PI4K2A: variants seen among roughly 807,000 people sequenced by gnomAD.
PI4K2A encodes phosphatidylinositol 4-kinase type 2 alpha, also known as phosphatidylinositol 4-kinase type 2-alpha.
In PI4K2A, 20 loss-of-function variants were observed where a neutral mutation model predicts 55.0. The ratio of observed to expected loss-of-function variants is 0.36; its 90% CI spans 0.26 to 0.53. PI4K2A has a LOEUF of 0.53. PI4K2A is among the 20% of genes least tolerant of loss of function. The probability of loss-of-function intolerance (pLI) is 0.91; values close to 1 mark genes in which losing one functional copy is unlikely to be tolerated. For synonymous variants in PI4K2A, 235 were observed against 258.5 expected, an observed-to-expected ratio of 0.91 and a Z score of 0.87; for missense variants, 463 against 637.1, an observed-to-expected ratio of 0.73 and a Z score of 2.94.
At chr10:97,673,560 A>G in intron 8 of PI4K2A, 21 bp from the exon 9 acceptor site, 2 of 1,612,586 alleles carry the variant, frequency 1.2e-6, no homozygotes, top group Non-Finnish European at 1.7e-6. Flanking sequence ...TCCCTCACCC[A>G]TCTCCTTTTT....
intron 2 of PI4K2A, among the ~76,000 whole-genome samples, chr10:97,654,764 T>A (rs1589934171): frequency 6.6e-6 from 1 of 152,178 alleles, no homozygotes; most frequent in East Asian, 1.9e-4. Context: ...GTGATAAGTG[T>A]GACAATAGAT....
At chr10:97,671,733 G>A (rs972926887) in intron 8 of PI4K2A, among the ~76,000 whole-genome samples, 13 of 152,056 alleles carry the variant, frequency 8.5e-5, no homozygotes, top group Non-Finnish European at 1.5e-4. Context: ...TCCGCCTCCC[G>A]GGTTCACGTG....
At chr10:97,663,024 A>G in intron 5 of PI4K2A, 56 bp downstream of exon 5, 1 of 1,170,310 alleles carries the variant, frequency 8.5e-7, no homozygotes, top group Non-Finnish European at 1.3e-6. Flanking sequence ...TAATATAGAA[A>G]CACATAAAAT....
chr10:97,669,483 C>G (rs892692851), intron 8 of PI4K2A, among the ~76,000 whole-genome samples: 2 of 152,050 alleles, frequency 1.3e-5, no homozygotes, highest in Admixed American at 6.5e-5. Context: ...TGGGGTAGTG[C>G]AGTTTTATTT....
rs376746318 is a variant in PI4K2A, at chr10:97,656,258, C to T, written c.637-27C>T. ...CTGGTTCCTTAAACTTGACTCTAAC[C>T]TTAGTATCTCTTCTCTTTCACTGTA... On this transcript the variant is annotated intron_variant, in intron 2 of 8. Transcript: ENST00000370631. This position sits in a 1 kb window ranked among gnomAD's most constrained non-coding sequence, Gnocchi z 4.5. 3 of 1,602,054 alleles carry T rather than the reference C, an allele frequency of 1.9e-6. No individual in the cohort carries two copies. In the African/African-American group the frequency reaches 4.0e-5, roughly 21 times the overall value.
At chr10:97,673,453 A>G in intron 8 of PI4K2A, 128 bp from the exon 9 acceptor site, 1 of 671,982 alleles carries the variant, frequency 1.5e-6, no homozygotes, top group Non-Finnish European at 2.5e-6. Context: ...TAAATGGCCT[A>G]TTTGCATGAT....
intron 8 of PI4K2A, among the ~76,000 whole-genome samples, chr10:97,668,033 TG>T: frequency 6.6e-6 from 1 of 152,326 alleles, no homozygotes; most frequent in African/African-American, 2.4e-5. Flanking sequence ...AGGGGATTGT[TG>T]ATCTTCCAAA....
chr10:97,654,757 A>G (rs776412325), intron 2 of PI4K2A, among the ~76,000 whole-genome samples: 5 of 152,226 alleles, frequency 3.3e-5, no homozygotes, highest in Non-Finnish European at 5.9e-5. Context: ...AGACAATGTG[A>G]TAAGTGTGAC....
At chr10:97,659,443 T>C (rs1458790493) in intron 4 of PI4K2A, among the ~76,000 whole-genome samples, 1 of 152,124 alleles carries the variant, frequency 6.6e-6, no homozygotes. Flanking sequence ...ACCTACACAA[T>C]CATATCTATG....
In PI4K2A at chr10:97,648,203, C is replaced by A. The variant is rs192115431; in HGVS notation, c.436-2738C>A. Among the ~76,000 whole-genome samples, 22 of 151,356 alleles carry A rather than the reference C, an allele frequency of 1.5e-4. 1 individual carries two copies. The highest frequency in any genetic ancestry group is 1.4e-3 in the Admixed American group (21 of 15,134). Reference sequence around the variant, plus strand: ...CCACCTCCCAGGTTCAAGCGATTCTCCTGCCTCGCCTCCCGAGTAGCTGGG... The same window carrying A: ...CCACCTCCCAGGTTCAAGCGATTCTACTGCCTCGCCTCCCGAGTAGCTGGG... On this transcript the variant is annotated intron_variant, in intron 1 of 8. Coordinates refer to ENST00000370631, the Ensembl canonical transcript of PI4K2A.
chr10:97,670,699 GTATCTCTGCTCCTT>G (rs1291097039), intron 8 of PI4K2A, among the ~76,000 whole-genome samples: 2 of 152,244 alleles, frequency 1.3e-5, no homozygotes, highest in Non-Finnish European at 2.9e-5. Flanking sequence ...TGTTGCAGTT[GTATCTCTGCTCCTT>G]TATAGGCAGC....
chr10:97,648,608 T>C lies in PI4K2A; in HGVS notation c.436-2333T>C, dbSNP rs1480416091. Among the ~76,000 whole-genome samples, 45 of 152,222 alleles carry C rather than the reference T, an allele frequency of 3.0e-4. 1 individual carries two copies. Among genetic ancestry groups the C allele is most frequent in the Admixed American group, 2.9e-3 (45 of 15,276 alleles). ...TAGGAGTGTCTTGGCCTCCTTTTCA[T>C]TGAGGACCAGCTTACTGAACTCCAT... is the stretch of plus-strand genomic sequence containing the variant. On this transcript the variant is annotated intron_variant, in intron 1 of 8. Transcript: ENST00000370631.
Position 97,651,460 on chromosome 10 carries a change from G to C in PI4K2A, c.636+319G>C, listed in dbSNP as rs565425002. Among the ~76,000 whole-genome samples, 6 of 152,226 alleles carry C rather than the reference G, an allele frequency of 3.9e-5. No homozygotes were observed. In the South Asian group the frequency reaches 1.2e-3, roughly 32 times the overall value. On this transcript the variant is annotated intron_variant, in intron 2 of 8. Coordinates refer to ENST00000370631, the Ensembl canonical transcript of PI4K2A. ...TAGTTAGAAACCTAGTGACTTTGTG[G>C]CTTACTCTCAGACTTCTGAGCCATC...
chr10:97,673,908 A>G (rs749801780), exon 9 of PI4K2A: 228 of 623,958 alleles, frequency 3.7e-4, no homozygotes, highest in Middle Eastern at 1.3e-3. Context: ...GAGAAGCACA[A>G]TCAGGAACAG....
intron 1 of PI4K2A, among the ~76,000 whole-genome samples, chr10:97,642,387 G>T (rs2041474246): frequency 6.7e-6 from 1 of 149,636 alleles, no homozygotes; most frequent in African/African-American, 2.5e-5. Flanking sequence ...GTCTTTCGAA[G>T]TTTCTTTTTC....
At chr10:97,673,644 C>T (rs2041647014) in exon 9 of PI4K2A, 1 of 1,613,870 alleles carries the variant, frequency 6.2e-7, no homozygotes, top group Admixed American at 1.7e-5. Flanking sequence ...CCAGATGCCA[C>T]CTGTGATTGT....
chr10:97,669,211 C>T (rs535970862), intron 8 of PI4K2A, among the ~76,000 whole-genome samples: 23 of 152,204 alleles, frequency 1.5e-4, no homozygotes, highest in Middle Eastern at 3.4e-3. Flanking sequence ...TGTCTGAATA[C>T]CAGTAACATG....
intron 2 of PI4K2A, among the ~76,000 whole-genome samples, chr10:97,652,902 C>T (rs2041536105): frequency 6.6e-6 from 1 of 152,176 alleles, no homozygotes; most frequent in Non-Finnish European, 1.5e-5. Flanking sequence ...AGAAACAATA[C>T]CAAAGTTCTT....
chr10:97,675,443 C>G (rs1448862600), exon 9 of PI4K2A: 1 of 152,736 alleles, frequency 6.5e-6, no homozygotes, highest in East Asian at 1.9e-4. Flanking sequence ...ATCCCAGCCC[C>G]GACAATCACA....
Sources: gnomAD v4.1 joint callset for allele counts (sites outside exome capture counted in the v4.1 genomes callset) on GRCh38, gnomAD v4.1.1 for gene constraint, Gnocchi (gnomAD v3.1) non-coding constraint, MANE v1.5 for transcripts, NCBI Gene and HGNC (gene_info 2026-07-23, HGNC 2026-07-21) for gene names.